The following NTRK2 variants were observed in gnomAD, a reference collection of about 807,000 sequenced individuals.
NTRK2 encodes the protein neurotrophic receptor tyrosine kinase 2, also known as BDNF/NT-3 growth factors receptor.
In NTRK2, 13 loss-of-function variants were observed where a neutral mutation model predicts 94.5. That is an observed-to-expected ratio of 0.14 (90% CI 0.09 to 0.22). The LOEUF is 0.22. Among genes scored for constraint, NTRK2 ranks in the 10% least tolerant of loss-of-function variants. The pLI is 1.00. For missense variants in NTRK2, 639 were observed against 1,071.2 expected (o/e 0.60, Z 5.63); for synonymous variants, 372 against 407.4 (o/e 0.91, Z 1.05).
At chr9:84,904,720 G>A (rs762748613) in intron 14 of NTRK2, among the ~76,000 whole-genome samples, 1 of 152,146 alleles carries the variant, frequency 6.6e-6, no homozygotes, top group African/African-American at 2.4e-5. Context: ...TACCCCTATA[G>A]TAACAATCTT....
chr9:84,819,381 GTGGAGAGT>G (rs2072635820), intron 12 of NTRK2, among the ~76,000 whole-genome samples: 1 of 152,182 alleles, frequency 6.6e-6, no homozygotes, highest in South Asian at 2.1e-4. Flanking sequence ...TACCTTACCT[GTGGAGAGT>G]TCTAGGTTTG....
In NTRK2 at chr9:84,894,459, C is replaced by T. The variant is rs562943454; in HGVS notation, c.1633+27028C>T. Among the ~76,000 whole-genome samples the T allele has an allele frequency of 5.9e-5, 9 of 152,272 alleles. No homozygotes were observed. The South Asian group carries it at 1.9e-3, about 32-fold the overall frequency. ...GCTATCCCAACTTTTTGTTCTGTCT[C>T]ATTTTGTGGCATGGACCCATCAGAT... On this transcript the variant is annotated intron_variant, in intron 14 of 18. Coordinates refer to ENST00000277120, the MANE Select transcript of NTRK2 (RefSeq NM_006180.6).
Position 85,021,303 on chromosome 9 carries a change from C to T in NTRK2, c.2383C>T (p.Pro795Ser). The T allele has an allele frequency of 6.2e-7, 1 of 1,614,100 alleles. No homozygotes were observed. The highest frequency in any genetic ancestry group is 8.5e-7 in the Non-Finnish European group (1 of 1,180,008). The change falls in exon 19 of 19, where the codon CCC (proline) becomes TCC (serine). Residue 795 changes from proline to serine, a missense_variant. Coordinates refer to ENST00000277120, the MANE Select transcript of NTRK2 (RefSeq NM_006180.6). Reference sequence around the variant, plus strand: ...AGTCCTGCAGCGACCCCGCACGTGCCCCCAGGAGGTGTATGAGCTGATGCT... The same window carrying T: ...AGTCCTGCAGCGACCCCGCACGTGCTCCCAGGAGGTGTATGAGCTGATGCT... Reference protein sequence around the residue: ...GRVLQRPRTCPQEVYELMLGC... With the variant: ...GRVLQRPRTCSQEVYELMLGC...
chr9:84,947,377 G>A (rs2078634713), intron 15 of NTRK2, among the ~76,000 whole-genome samples: 1 of 152,180 alleles, frequency 6.6e-6, no homozygotes, highest in South Asian at 2.1e-4. Flanking sequence ...TGCCACATCA[G>A]GCAACATATT....
intron 12 of NTRK2, among the ~76,000 whole-genome samples, chr9:84,756,295 G>A (rs991034753): frequency 1.3e-5 from 2 of 152,174 alleles, no homozygotes; most frequent in South Asian, 2.1e-4. Context: ...TTGTAACCAA[G>A]TCTTGTGTTT....
chr9:84,797,544 T>A (rs1345244266), intron 12 of NTRK2, among the ~76,000 whole-genome samples: 1 of 47,038 alleles, frequency 2.1e-5, no homozygotes, highest in African/African-American at 1.5e-4. Flanking sequence ...GTATATATAA[T>A]ATATATATTA....
chr9:84,902,641 C>T (rs2076964316), intron 14 of NTRK2, among the ~76,000 whole-genome samples: 1 of 152,174 alleles, frequency 6.6e-6, no homozygotes. Context: ...AGGACTAGTA[C>T]TACAAAGAGG....
intron 14 of NTRK2, among the ~76,000 whole-genome samples, chr9:84,926,178 C>CTTTCTT (rs2077797265): frequency 1.4e-5 from 1 of 71,754 alleles, no homozygotes; most frequent in Non-Finnish European, 3.2e-5. Flanking sequence ...TCCTTTCTTT[C>CTTTCTT]TTTCTTTCTT....
At chr9:84,910,529 A>G (rs1225589818) in intron 14 of NTRK2, among the ~76,000 whole-genome samples, 1 of 152,190 alleles carries the variant, frequency 6.6e-6, no homozygotes, top group East Asian at 1.9e-4. Flanking sequence ...ACTCTAATCC[A>G]GAGTGATCTG....
At position 84,813,939 on chromosome 9, in the gene NTRK2, G is replaced by A. The variant is rs1185270614; in HGVS notation, c.1397-47101G>A. The A allele has an allele frequency of 1.0e-5, 11 of 1,065,472 alleles. No individual in the cohort carries two copies. The African/African-American group carries it at 1.6e-4, about 16-fold the overall frequency. 66.0% of individuals were successfully genotyped at this position (1,065,472 alleles called of 1,614,324 possible). On this transcript the variant is annotated intron_variant, in intron 12 of 18. Coordinates refer to ENST00000277120, the MANE Select transcript of NTRK2 (RefSeq NM_006180.6). ...TCTCAGGCTGCTGAGCTAGACTAAGGAATGCATCCACCGTCATCACATGAG... is the reference window on the plus strand; with the variant it reads ...TCTCAGGCTGCTGAGCTAGACTAAGAAATGCATCCACCGTCATCACATGAG...
chr9:84,848,745 C>A (rs535713555), intron 12 of NTRK2, among the ~76,000 whole-genome samples: 3 of 151,904 alleles, frequency 2.0e-5, no homozygotes, highest in Non-Finnish European at 1.5e-5. Flanking sequence ...TCTTTGAGCA[C>A]GAAAAAAATC....
At chr9:84,759,500 C>T (rs1197820835) in intron 12 of NTRK2, among the ~76,000 whole-genome samples, 1 of 152,208 alleles carries the variant, frequency 6.6e-6, no homozygotes, top group Non-Finnish European at 1.5e-5. Flanking sequence ...CTCTTGTTTT[C>T]CTGTAATGTA....
chr9:84,780,863 T>C (rs13287600), intron 12 of NTRK2, among the ~76,000 whole-genome samples: 6,687 of 152,204 alleles, frequency 0.044, 187 homozygotes, highest in Admixed American at 0.061. Context: ...AGCTATGAAG[T>C]TTTCTGGCTT....
At chr9:84,859,475 A>G (rs2075229605) in intron 12 of NTRK2, among the ~76,000 whole-genome samples, 1 of 152,178 alleles carries the variant, frequency 6.6e-6, no homozygotes, top group African/African-American at 2.4e-5. Context: ...TAAGGGAATT[A>G]TTTTTAACAA....
chr9:84,919,342 G>C (rs2077492414), intron 14 of NTRK2, among the ~76,000 whole-genome samples: 1 of 152,146 alleles, frequency 6.6e-6, no homozygotes, highest in Admixed American at 6.5e-5. Flanking sequence ...AGTGATATTA[G>C]TGTCTTATCT....
At chr9:84,966,562 G>A (rs530349757) in intron 17 of NTRK2, among the ~76,000 whole-genome samples, 5 of 152,298 alleles carry the variant, frequency 3.3e-5, no homozygotes, top group African/African-American at 1.2e-4. Context: ...CTCCCGAGCA[G>A]CTGGGATTAC....
At chr9:84,856,437 G>C (rs1181130397) in intron 12 of NTRK2, among the ~76,000 whole-genome samples, 1 of 152,206 alleles carries the variant, frequency 6.6e-6, no homozygotes, top group Non-Finnish European at 1.5e-5. Flanking sequence ...TTATGTGCCA[G>C]TAGGAAAGGG....
intron 17 of NTRK2, among the ~76,000 whole-genome samples, chr9:84,995,969 A>G (rs936766649): frequency 2.0e-5 from 3 of 152,224 alleles, no homozygotes; most frequent in Non-Finnish European, 4.4e-5. Context: ...ATCCTGGGAA[A>G]ATAAAGGAAA....
At chr9:84,810,884 C>T (rs960472033) in intron 12 of NTRK2, 35 of 1,251,796 alleles carry the variant, frequency 2.8e-5, no homozygotes, top group Non-Finnish European at 3.2e-5. Flanking sequence ...AATGAAATCC[C>T]ATTGGATTGT....
Sources: allele counts gnomAD v4.1 joint callset (sites outside exome capture counted in the v4.1 genomes callset), GRCh38; gene constraint gnomAD v4.1.1; transcripts MANE v1.5; gene names NCBI Gene and HGNC (gene_info 2026-07-23, HGNC 2026-07-21).